The following SH3GL2 variants were observed in gnomAD, a reference collection of about 807,000 sequenced individuals.
SH3GL2 encodes SH3 domain containing GRB2 like 2, endophilin A1.
Under a neutral mutation model 46.0 loss-of-function variants are expected in SH3GL2, and 24 were observed. The observed-to-expected ratio is 0.52, with a 90% CI of 0.38 to 0.73. SH3GL2 has a LOEUF of 0.73. Among genes scored for constraint, SH3GL2 ranks in the 30% least tolerant of loss-of-function variants. The pLI is 0.00. For synonymous variants in SH3GL2, 196 were observed against 147.1 expected, an observed-to-expected ratio of 1.33 and a Z score of -2.40; for missense variants, 413 against 424.2, an observed-to-expected ratio of 0.97 and a Z score of 0.23.
intron 1 of SH3GL2, among the ~76,000 whole-genome samples, chr9:17,685,728 T>C (rs1820885877): frequency 6.6e-6 from 1 of 152,030 alleles, no homozygotes; most frequent in Admixed American, 6.6e-5. Context: ...TGCTTGTTTT[T>C]CTCAGGTTTG....
chr9:17,724,089 C>G (rs939240141), intron 1 of SH3GL2, among the ~76,000 whole-genome samples: 1 of 151,892 alleles, frequency 6.6e-6, no homozygotes. Flanking sequence ...CTTTCTGTCT[C>G]TCATCTCCTT....
At chr9:17,691,020 GAGAAA>G (rs1821063311) in intron 1 of SH3GL2, among the ~76,000 whole-genome samples, 1 of 152,090 alleles carries the variant, frequency 6.6e-6, no homozygotes, top group Non-Finnish European at 1.5e-5. Context: ...TCTTCCAGTG[GAGAAA>G]AGGGCATGCT....
intron 1 of SH3GL2, among the ~76,000 whole-genome samples, chr9:17,700,590 A>G (rs1821322400): frequency 6.6e-6 from 1 of 152,038 alleles, no homozygotes; most frequent in Admixed American, 6.5e-5. Flanking sequence ...AGCCAGATTC[A>G]TTTGTCTTTC....
At chr9:17,786,565 C>A in intron 4 of SH3GL2, 41 bp downstream of exon 4, 1 of 1,598,192 alleles carries the variant, frequency 6.3e-7, no homozygotes, top group South Asian at 1.1e-5. Context: ...TTCATTTGTC[C>A]ATGGGGATTT....
intron 6 of SH3GL2, among the ~76,000 whole-genome samples, chr9:17,790,073 G>A (rs1824079929): frequency 6.6e-6 from 1 of 152,176 alleles, no homozygotes; most frequent in Non-Finnish European, 1.5e-5. Flanking sequence ...TAGTACTGGT[G>A]CAAGTCCCAG....
chr9:17,735,801 T>A, intron 1 of SH3GL2: 1 of 913,474 alleles, frequency 1.1e-6, no homozygotes, highest in Non-Finnish European at 1.3e-6. Flanking sequence ...AAGAAGGGCT[T>A]AAGTTAGCAG....
intron 1 of SH3GL2, among the ~76,000 whole-genome samples, chr9:17,664,767 A>T (rs1054623040): frequency 6.6e-6 from 1 of 151,804 alleles, no homozygotes; most frequent in Non-Finnish European, 1.5e-5. Flanking sequence ...GATATTTTTC[A>T]GCCACTTTCA....
At chr9:17,713,653 G>T (rs1821683508) in intron 1 of SH3GL2, among the ~76,000 whole-genome samples, 1 of 151,452 alleles carries the variant, frequency 6.6e-6, no homozygotes, top group South Asian at 2.1e-4. Flanking sequence ...GGATTATTTA[G>T]AAGTGCATTA....
intron 1 of SH3GL2, among the ~76,000 whole-genome samples, chr9:17,643,029 G>A (rs1391935444): frequency 6.6e-6 from 1 of 152,152 alleles, no homozygotes; most frequent in Non-Finnish European, 1.5e-5. Context: ...AGCATGGAAT[G>A]TTTTTCCATT....
intron 3 of SH3GL2, among the ~76,000 whole-genome samples, chr9:17,762,378 G>A (rs1407262495): frequency 6.9e-6 from 1 of 145,884 alleles, no homozygotes; most frequent in African/African-American, 2.6e-5. Flanking sequence ...TTTGGATACT[G>A]AGCAATAGTG....
intron 1 of SH3GL2, among the ~76,000 whole-genome samples, chr9:17,620,362 T>TA (rs749417736): frequency 6.6e-6 from 1 of 152,226 alleles, no homozygotes; most frequent in African/African-American, 2.4e-5. Context: ...AGCAAATACT[T>TA]ACACAGTGCT....
intron 1 of SH3GL2, among the ~76,000 whole-genome samples, chr9:17,719,755 T>G (rs1821846437): frequency 6.6e-6 from 1 of 151,068 alleles, no homozygotes; most frequent in African/African-American, 2.4e-5. Context: ...ATTGCATCAC[T>G]GTACTCTAGT....
chr9:17,588,181 AT>A (rs1226647318), intron 1 of SH3GL2, among the ~76,000 whole-genome samples: 26 of 152,246 alleles, frequency 1.7e-4, no homozygotes, highest in Admixed American at 6.5e-5. Flanking sequence ...TCTGTAACAT[AT>A]GGTTTTCAAG....
chr9:17,736,302 C>G (rs562545386), intron 1 of SH3GL2, among the ~76,000 whole-genome samples: 7 of 152,046 alleles, frequency 4.6e-5, no homozygotes, highest in Admixed American at 1.3e-4. Context: ...AATTTTATAC[C>G]TCAGACAGGA....
In SH3GL2 at chr9:17,614,295, G is replaced by GGAAAAA. The variant is rs762920242; in HGVS notation, c.45+35008_45+35009insGAAAAA. On this transcript the variant is annotated intron_variant, in intron 1 of 8. Transcript: ENST00000380607. ...GTGACAGGGAACATGCATGGTTTCT[G>GGAAAAA]AAAAAAAAAAAAAAAAAAAAAAAAA... is the stretch of plus-strand genomic sequence containing the variant. Among the ~76,000 whole-genome samples the GGAAAAA allele has an allele frequency of 6.8e-4, 48 of 70,300 alleles. 3 individuals are homozygous for GGAAAAA. Among genetic ancestry groups the GGAAAAA allele is most frequent in the African/African-American group, 2.4e-3 (41 of 17,370 alleles). 46.1% of individuals were successfully genotyped at this position (70,300 alleles called of 152,430 possible). A position where few individuals can be genotyped will look rare whatever the true frequency, so the allele number is the denominator to read the frequency against.
chr9:17,725,108 C>A (rs1821989329), intron 1 of SH3GL2, among the ~76,000 whole-genome samples: 1 of 152,052 alleles, frequency 6.6e-6, no homozygotes, highest in Non-Finnish European at 1.5e-5. Context: ...TAGGAGTCAC[C>A]CCTGGGATAG....
At chr9:17,675,488 G>C (rs1164985155) in intron 1 of SH3GL2, among the ~76,000 whole-genome samples, 1 of 152,168 alleles carries the variant, frequency 6.6e-6, no homozygotes, top group Non-Finnish European at 1.5e-5. Context: ...TGTCTGAAAA[G>C]AATGCATTGA....
intron 1 of SH3GL2, among the ~76,000 whole-genome samples, chr9:17,724,753 C>G (rs191160005): frequency 2.5e-4 from 38 of 152,254 alleles, no homozygotes; most frequent in African/African-American, 8.9e-4. Flanking sequence ...CTTGGCTTTA[C>G]TAATTATTTG....
chr9:17,700,982 A>G (rs1821331355), intron 1 of SH3GL2, among the ~76,000 whole-genome samples: 1 of 152,234 alleles, frequency 6.6e-6, no homozygotes. Flanking sequence ...TCATCATGCT[A>G]ATATGGAATG....
Sources: gnomAD v4.1 joint callset for allele counts (sites outside exome capture counted in the v4.1 genomes callset) on GRCh38, gnomAD v4.1.1 for gene constraint, MANE v1.5 for transcripts, NCBI Gene and HGNC (gene_info 2026-07-23, HGNC 2026-07-21) for gene names.